MLLT10: variants seen among roughly 807,000 people sequenced by gnomAD.
MLLT10 encodes the protein protein AF-10.
In MLLT10, 30 loss-of-function variants were observed where a neutral mutation model predicts 129.1. That is an observed-to-expected ratio of 0.23 (90% confidence interval 0.17 to 0.32). The LOEUF is 0.32. Ranked by LOEUF, MLLT10 falls within the 10% of genes least tolerant of loss-of-function variation. The pLI, the probability that MLLT10 is intolerant of heterozygous loss-of-function variation, is 1.00. For synonymous variants in MLLT10, 490 were observed against 446.4 expected (o/e 1.10, Z -1.23); for missense variants, 1,119 against 1,268.3 (o/e 0.88, Z 1.79).
At chr10:21,642,839 A>G (rs1005372650) in intron 8 of MLLT10, among the ~76,000 whole-genome samples, 6 of 152,140 alleles carry the variant, frequency 3.9e-5, no homozygotes, top group African/African-American at 1.4e-4. Context: ...TGAGAAGGTG[A>G]TCATGAATTT....
At chr10:21,556,805 GCA>G in intron 3 of MLLT10, 1 of 1,575,726 alleles carries the variant, frequency 6.3e-7, no homozygotes, top group Non-Finnish European at 8.6e-7. Flanking sequence ...TCTTACTACA[GCA>G]GCTTTCTTCG....
At chr10:21,548,469 A>C (rs1284716384) in intron 3 of MLLT10, among the ~76,000 whole-genome samples, 1 of 149,802 alleles carries the variant, frequency 6.7e-6, no homozygotes, top group Non-Finnish European at 1.5e-5. Flanking sequence ...TCCCGGGTTC[A>C]CGCCATTCTC....
intron 3 of MLLT10, among the ~76,000 whole-genome samples, chr10:21,569,316 A>G (rs978292178): frequency 1.3e-5 from 2 of 151,766 alleles, no homozygotes; most frequent in African/African-American, 4.8e-5. Context: ...GTGCAGTGGC[A>G]TGCACAATCA....
rs549329619 is a variant in MLLT10 at position 21,543,549 on chromosome 10, G to C, written c.240+4637G>C. ...CTTGGAGTGCAGTGGCATCATCTTG[G>C]CTCACTGCAACCTCCGCCTCCCGGG... On this transcript the variant is annotated intron_variant, in intron 3 of 22. Transcript: ENST00000307729. Among the ~76,000 whole-genome samples, 15 of 152,060 alleles carry C rather than the reference G, an allele frequency of 9.9e-5. No individual in the cohort carries two copies. The East Asian group carries it at 2.9e-3, about 29-fold the overall frequency.
chr10:21,557,936 C>CTTTTTTTTTTCT (rs1564406656), intron 3 of MLLT10: 5 of 126,642 alleles, frequency 3.9e-5, no homozygotes, highest in African/African-American at 5.9e-5. Context: ...TATTATTTTT[C>CTTTTTTTTTTCT]TTTTTTTTTT....
intron 8 of MLLT10, among the ~76,000 whole-genome samples, chr10:21,627,314 A>C (rs1428983827): frequency 6.6e-6 from 1 of 152,204 alleles, no homozygotes; most frequent in Non-Finnish European, 1.5e-5. Flanking sequence ...TTTAATTAAA[A>C]GGGGAATTTC....
Position 21,673,577 on chromosome 10 carries a change from A to G in MLLT10, c.1279A>G (p.Thr427Ala), listed in dbSNP as rs766033398. The change falls in exon 11 of 23, where the codon ACT (threonine) becomes GCT (alanine). Residue 427 changes from threonine (T) to alanine (A), a missense_variant. Coordinates refer to ENST00000307729, the MANE Select transcript of MLLT10 (RefSeq NM_001195626.3). ...TGGCCTCCCTTCAACCTCAGCTGTT[A>G]CTTCACAGCCTAAAAGCTTTGAAAA... ...LIGLPSTSAV[T>A]SQPKSFENSP... The G allele has an allele frequency of 1.9e-6, 3 of 1,613,332 alleles. No individual in the cohort carries two copies. Among genetic ancestry groups the G allele is most frequent in the South Asian group, 2.2e-5 (2 of 90,914 alleles).
At position 21,727,714 on chromosome 10, in the gene MLLT10, A is replaced by G. The variant is rs185587038; in HGVS notation, c.1991-142A>G. The G allele has an allele frequency of 2.6e-4, 168 of 637,020 alleles. 1 individual carries two copies. Among genetic ancestry groups the G allele is most frequent in the African/African-American group, 1.8e-3 (97 of 54,714 alleles). 39.5% of individuals were successfully genotyped at this position (637,020 alleles called of 1,614,324 possible). On this transcript the variant is annotated intron_variant, in intron 15 of 22. Transcript: ENST00000307729. ...AGTTCAGCAATTCTGAACTAGCAAC[A>G]TGCTAGATCTTCTATTTTCGTGGGA...
At chr10:21,722,501 A>G (rs1371065878) in intron 14 of MLLT10, among the ~76,000 whole-genome samples, 1 of 152,176 alleles carries the variant, frequency 6.6e-6, no homozygotes, top group Non-Finnish European at 1.5e-5. Context: ...TTTTAATACA[A>G]AAGCTTTCAT....
intron 11 of MLLT10, among the ~76,000 whole-genome samples, chr10:21,679,417 G>A (rs1008237916): frequency 3.3e-5 from 5 of 152,186 alleles, no homozygotes; most frequent in Non-Finnish European, 7.3e-5. Context: ...TAAAGTGAAA[G>A]TTGAGAACAT....
At chr10:21,646,604 GGATT>G (rs1362251035) in intron 8 of MLLT10, among the ~76,000 whole-genome samples, 1 of 151,938 alleles carries the variant, frequency 6.6e-6, no homozygotes, top group Non-Finnish European at 1.5e-5. Context: ...GCTATTTTAA[GGATT>G]GAGATATCAT....
At chr10:21,552,059 T>C (rs2037142015) in intron 3 of MLLT10, 9 of 234,202 alleles carry the variant, frequency 3.8e-5, no homozygotes, top group South Asian at 3.2e-4. Flanking sequence ...CTCAGGTAGC[T>C]GGAACTATAG....
intron 3 of MLLT10, among the ~76,000 whole-genome samples, chr10:21,550,012 A>G (rs1414743498): frequency 6.6e-6 from 1 of 152,150 alleles, no homozygotes; most frequent in Non-Finnish European, 1.5e-5. Context: ...CTGGCTCTTA[A>G]TTGTTACTGA....
rs887495686 is a variant in MLLT10, at chr10:21,742,781, G to C, written c.*798G>C. 4.4e-6 allele frequency: 1 copy of C among 227,650 alleles called. No homozygotes were observed. Among genetic ancestry groups the C allele is most frequent in the Admixed American group, 5.7e-5 (1 of 17,562 alleles). The allele number at this position is 227,650 out of a possible 1,614,324, so 14.1% of individuals were successfully genotyped here. A position where few individuals can be genotyped will look rare whatever the true frequency, so the allele number is the denominator to read the frequency against. ...GCTGGTGGGGTTTGCCCTTGATCAA[G>C]TGCCTCCATTGTGCTGCAAGGGCTG... On this transcript the variant is annotated 3_prime_UTR_variant, in exon 23 of 23. Coordinates refer to ENST00000307729, the MANE Select transcript of MLLT10 (RefSeq NM_001195626.3).
At chr10:21,725,548 G>A (rs893563126) in intron 14 of MLLT10, among the ~76,000 whole-genome samples, 2 of 151,864 alleles carry the variant, frequency 1.3e-5, no homozygotes, top group East Asian at 2.0e-4. Context: ...GTGAAACTCC[G>A]TCTGTACTAA....
chr10:21,684,173 G>A (rs1290430844), intron 13 of MLLT10, among the ~76,000 whole-genome samples: 2 of 151,888 alleles, frequency 1.3e-5, no homozygotes, highest in East Asian at 3.9e-4. Context: ...ACCATGCCTG[G>A]CTAATACATT....
intron 9 of MLLT10, among the ~76,000 whole-genome samples, chr10:21,658,623 A>C (rs1438537492): frequency 6.6e-6 from 1 of 152,164 alleles, no homozygotes; most frequent in Non-Finnish European, 1.5e-5. Flanking sequence ...AAGGAGTGGA[A>C]TGGTTGGGCC....
chr10:21,721,409 A>G (rs2057125248), intron 14 of MLLT10, among the ~76,000 whole-genome samples: 1 of 152,192 alleles, frequency 6.6e-6, no homozygotes. Context: ...AACAGTGTCC[A>G]CTTTTAAGTT....
At chr10:21,732,051 A>G (rs926383549) in intron 17 of MLLT10, among the ~76,000 whole-genome samples, 1 of 152,144 alleles carries the variant, frequency 6.6e-6, no homozygotes, top group African/African-American at 2.4e-5. Flanking sequence ...TGGGCCCACT[A>G]AGGTTTCTTT....
Sources: allele counts gnomAD v4.1 joint callset (sites outside exome capture counted in the v4.1 genomes callset), GRCh38; gene constraint gnomAD v4.1.1; transcripts MANE v1.5; gene names NCBI Gene and HGNC (gene_info 2026-07-23, HGNC 2026-07-21).